The following ERC2 variants were observed in gnomAD, a reference collection of about 807,000 sequenced individuals.
ERC2 encodes the protein ERC protein 2.
ERC2 carries 42 observed loss-of-function variants against 114.8 expected under a neutral mutation model. The ratio of observed to expected loss-of-function variants is 0.37; its 90% CI spans 0.29 to 0.47. ERC2 has a LOEUF of 0.47. Ranked by LOEUF, ERC2 falls within the 20% of genes least tolerant of loss-of-function variation. The pLI is 0.99. For missense variants in ERC2, 939 were observed against 1,150.7 expected, an observed-to-expected ratio of 0.82 and a Z score of 2.66; for synonymous variants, 454 against 425.5, an observed-to-expected ratio of 1.07 and a Z score of -0.82.
intron 15 of ERC2, among the ~76,000 whole-genome samples, chr3:55,700,448 T>C (rs1433554524): frequency 6.6e-6 from 1 of 152,222 alleles, no homozygotes; most frequent in African/African-American, 2.4e-5. Flanking sequence ...CTTAATTTCC[T>C]CAACTCTAAA....
At chr3:55,869,355 G>A (rs2062463821) in intron 14 of ERC2, among the ~76,000 whole-genome samples, 1 of 152,102 alleles carries the variant, frequency 6.6e-6, no homozygotes, top group Non-Finnish European at 1.5e-5. Flanking sequence ...ATGACATTTT[G>A]GAACCTCCTC....
intron 1 of ERC2, among the ~76,000 whole-genome samples, chr3:56,462,117 GGTC>G (rs1476630398): frequency 6.6e-6 from 1 of 152,136 alleles, no homozygotes; most frequent in African/African-American, 2.4e-5. Flanking sequence ...TTTAATACAA[GGTC>G]GTCAAGGGCT....
chr3:55,799,452 T>TATATATATATATATATATATGC (rs1559674679), intron 14 of ERC2, among the ~76,000 whole-genome samples: 2 of 114,332 alleles, frequency 1.7e-5, no homozygotes, highest in African/African-American at 1.0e-4. Flanking sequence ...TATATATGCA[T>TATATATATATATATATATATGC]ATATATATAT....
intron 3 of ERC2, among the ~76,000 whole-genome samples, chr3:56,276,459 T>TAA (rs766683320): frequency 2.5e-4 from 21 of 82,910 alleles, no homozygotes; most frequent in Non-Finnish European, 2.9e-4. Context: ...CAAACTCAGC[T>TAA]AAAAAAAAAA....
chr3:56,107,370 A>C (rs1011503908), intron 6 of ERC2, among the ~76,000 whole-genome samples: 1 of 152,038 alleles, frequency 6.6e-6, no homozygotes, highest in Non-Finnish European at 1.5e-5. Flanking sequence ...CCTTCTTTAA[A>C]ATGAACTATA....
At chr3:55,753,434 C>A (rs2066848873) in intron 14 of ERC2, among the ~76,000 whole-genome samples, 1 of 152,194 alleles carries the variant, frequency 6.6e-6, no homozygotes, top group Non-Finnish European at 1.5e-5. Context: ...AGGAAAGCAT[C>A]TGGAAAACTG....
At chr3:56,243,251 T>A (rs751360929) in intron 3 of ERC2, among the ~76,000 whole-genome samples, 18 of 152,166 alleles carry the variant, frequency 1.2e-4, no homozygotes, top group Non-Finnish European at 2.4e-4. Flanking sequence ...CTACTCTAGA[T>A]AAAGGGCTAC....
intron 2 of ERC2, among the ~76,000 whole-genome samples, chr3:56,418,629 T>C (rs1003464341): frequency 6.6e-6 from 1 of 152,256 alleles, no homozygotes; most frequent in Non-Finnish European, 1.5e-5. Context: ...ACCATATATG[T>C]GGCCTTTGGC....
chr3:55,786,756 G>A (rs1175255969), intron 14 of ERC2, among the ~76,000 whole-genome samples: 1 of 152,170 alleles, frequency 6.6e-6, no homozygotes, highest in African/African-American at 2.4e-5. Context: ...GGCCCCTGGA[G>A]TATTGGCTCC....
intron 17 of ERC2, among the ~76,000 whole-genome samples, chr3:55,580,428 C>G (rs1423124488): frequency 6.6e-6 from 1 of 152,132 alleles, no homozygotes; most frequent in South Asian, 2.1e-4. Context: ...AGGATGGGAC[C>G]AAGAGAGACC....
chr3:55,844,522 T>C (rs1410278108), intron 14 of ERC2, among the ~76,000 whole-genome samples: 2 of 152,164 alleles, frequency 1.3e-5, no homozygotes, highest in Non-Finnish European at 2.9e-5. Flanking sequence ...GAAATCATAA[T>C]AATTATTATC....
intron 17 of ERC2, among the ~76,000 whole-genome samples, chr3:55,511,485 G>A (rs892553965): frequency 6.6e-6 from 1 of 152,162 alleles, no homozygotes; most frequent in Non-Finnish European, 1.5e-5. Context: ...CGTCCTGCAA[G>A]TGCATCTGAG....
chr3:56,046,933 A>G (rs1017533381), intron 7 of ERC2, among the ~76,000 whole-genome samples: 1 of 152,232 alleles, frequency 6.6e-6, no homozygotes, highest in Admixed American at 6.5e-5. Context: ...AAGTAAAATA[A>G]TGATGCAGGC....
chr3:56,467,684 A>G (rs1321235940), intron 1 of ERC2, among the ~76,000 whole-genome samples: 2 of 151,844 alleles, frequency 1.3e-5, no homozygotes, highest in Non-Finnish European at 2.9e-5. Flanking sequence ...ACCATCCCCT[A>G]GCCCTCCCCG....
intron 17 of ERC2, among the ~76,000 whole-genome samples, chr3:55,661,743 C>T (rs2061145890): frequency 6.6e-6 from 1 of 152,096 alleles, no homozygotes; most frequent in Non-Finnish European, 1.5e-5. Flanking sequence ...AAACAAAACA[C>T]ATCTCAACAC....
intron 3 of ERC2, among the ~76,000 whole-genome samples, chr3:56,242,826 C>T (rs2051414714): frequency 1.3e-5 from 2 of 152,150 alleles, no homozygotes; most frequent in Admixed American, 6.5e-5. Flanking sequence ...GTCTTACTCT[C>T]CCAGCAGCAC....
intron 3 of ERC2, among the ~76,000 whole-genome samples, chr3:56,256,550 A>ATTT (rs547404735): frequency 6.8e-6 from 1 of 146,706 alleles, no homozygotes; most frequent in African/African-American, 2.5e-5. Flanking sequence ...ATTTCCAGGA[A>ATTT]TTTTTTTTTT....
chr3:56,294,439 A>G (rs2055295471), intron 3 of ERC2, among the ~76,000 whole-genome samples: 1 of 152,136 alleles, frequency 6.6e-6, no homozygotes, highest in Non-Finnish European at 1.5e-5. Context: ...AGCTCACTAA[A>G]TGGCTGTTAC....
intron 14 of ERC2, among the ~76,000 whole-genome samples, chr3:55,809,541 A>T (rs1450088287): frequency 6.6e-6 from 1 of 152,188 alleles, no homozygotes; most frequent in Non-Finnish European, 1.5e-5. Flanking sequence ...GCATATAAGG[A>T]ACTCAAACAA....
Sources: allele counts gnomAD v4.1 joint callset (sites outside exome capture counted in the v4.1 genomes callset), GRCh38; gene constraint gnomAD v4.1.1; transcripts MANE v1.5; gene names NCBI Gene and HGNC (gene_info 2026-07-23, HGNC 2026-07-21).